AGBL1: variants seen among roughly 807,000 people sequenced by gnomAD.
The protein encoded by AGBL1 is cytosolic carboxypeptidase 4.
Under a neutral mutation model 118.9 loss-of-function variants are expected in AGBL1, and 130 were observed. The ratio of observed to expected loss-of-function variants is 1.09; its 90% CI spans 0.95 to 1.26. AGBL1 has a LOEUF of 1.26. AGBL1 is among the 50% of genes most tolerant of loss of function. The probability of loss-of-function intolerance (pLI) is 0.00; values close to 1 mark genes in which losing one functional copy is unlikely to be tolerated. For synonymous variants in AGBL1, 555 were observed against 478.9 expected (o/e 1.16, Z -2.08); for missense variants, 1,584 against 1,298.1 (o/e 1.22, Z -3.38).
At chr15:86,186,144 G>C (rs1434543529) in intron 5 of AGBL1, among the ~76,000 whole-genome samples, 2 of 151,048 alleles carry the variant, frequency 1.3e-5, no homozygotes, top group Non-Finnish European at 2.9e-5. Context: ...CACGCGTTCT[G>C]TTCTTACTTT....
chr15:86,950,552 T>A (rs1018717199), intron 23 of AGBL1, among the ~76,000 whole-genome samples: 3 of 151,014 alleles, frequency 2.0e-5, no homozygotes, highest in African/African-American at 7.3e-5. Flanking sequence ...CACACACATA[T>A]ATTTGTGTGT....
chr15:86,174,226 T>G (rs2077452580), intron 5 of AGBL1, among the ~76,000 whole-genome samples: 2 of 152,100 alleles, frequency 1.3e-5, no homozygotes, highest in Admixed American at 1.3e-4. Flanking sequence ...TAAATGGGAT[T>G]GCTTTTTTGA....
intron 17 of AGBL1, among the ~76,000 whole-genome samples, chr15:86,301,585 G>A (rs1302360999): frequency 6.6e-6 from 1 of 150,920 alleles, no homozygotes; most frequent in Non-Finnish European, 1.5e-5. Context: ...AAGATATTAG[G>A]AACACATAGA....
At chr15:86,719,193 G>C (rs1596402238) in intron 22 of AGBL1, among the ~76,000 whole-genome samples, 2 of 152,260 alleles carry the variant, frequency 1.3e-5, no homozygotes, top group East Asian at 3.9e-4. Flanking sequence ...GGGAGAAATT[G>C]GGATTCACTC....
chr15:86,120,375 A>C (rs144209535), intron 1 of AGBL1, among the ~76,000 whole-genome samples: 53 of 152,328 alleles, frequency 3.5e-4, no homozygotes, highest in African/African-American at 1.3e-3. Flanking sequence ...TGTCTCCAGG[A>C]TGCCCATTAA....
At chr15:86,155,060 C>A (rs896532666) in intron 4 of AGBL1, among the ~76,000 whole-genome samples, 2 of 152,204 alleles carry the variant, frequency 1.3e-5, no homozygotes, top group Middle Eastern at 3.2e-3. Context: ...TTATTAGGAA[C>A]ATCATTGCTC....
rs537945775 is a variant in AGBL1, at chr15:86,402,235, G to A, written c.2555+4689G>A. Among the ~76,000 whole-genome samples, 64 of 151,682 alleles carry A rather than the reference G, an allele frequency of 4.2e-4. 1 individual carries two copies. Among genetic ancestry groups the A allele is most frequent in the African/African-American group, 1.5e-3 (61 of 41,184 alleles). On this transcript the variant is annotated intron_variant, in intron 18 of 22. Transcript: ENST00000614907. Reference sequence around the variant, plus strand: ...ATTTATTTTTACAGCTGTTGCAAAAGTGACTGAGTTCTTGATTTGATTCTC... The same window carrying A: ...ATTTATTTTTACAGCTGTTGCAAAAATGACTGAGTTCTTGATTTGATTCTC...
chr15:86,616,129 G>A (rs2084717825), intron 21 of AGBL1, among the ~76,000 whole-genome samples: 1 of 151,970 alleles, frequency 6.6e-6, no homozygotes, highest in South Asian at 2.1e-4. Context: ...CTGAAGTCAG[G>A]AGTTTGAGAC....
chr15:86,522,058 C>T (rs1464868519), intron 18 of AGBL1, among the ~76,000 whole-genome samples: 1 of 152,186 alleles, frequency 6.6e-6, no homozygotes, highest in Non-Finnish European at 1.5e-5. Context: ...TCAGTTTCCT[C>T]ACTGTGAGTG....
At chr15:86,586,365 C>A (rs2084248056) in intron 21 of AGBL1, among the ~76,000 whole-genome samples, 1 of 151,934 alleles carries the variant, frequency 6.6e-6, no homozygotes, top group African/African-American at 2.4e-5. Context: ...TTAGAACTTA[C>A]TATGTGTTCT....
At chr15:86,538,052 G>A (rs2083449113) in intron 19 of AGBL1, among the ~76,000 whole-genome samples, 1 of 152,152 alleles carries the variant, frequency 6.6e-6, no homozygotes, top group African/African-American at 2.4e-5. Flanking sequence ...AGGTGAGATG[G>A]CCAAAAACGT....
intron 17 of AGBL1, among the ~76,000 whole-genome samples, chr15:86,345,291 A>G (rs559612981): frequency 1.2e-4 from 18 of 151,588 alleles, no homozygotes; most frequent in Admixed American, 5.9e-4. Flanking sequence ...TTTTCAGGAG[A>G]CTCTGCTGCT....
intron 22 of AGBL1, among the ~76,000 whole-genome samples, chr15:86,675,965 T>A (rs1053386329): frequency 6.6e-6 from 1 of 152,210 alleles, no homozygotes; most frequent in Non-Finnish European, 1.5e-5. Flanking sequence ...TTAAAGAATT[T>A]GATGTCAGGC....
intron 21 of AGBL1, among the ~76,000 whole-genome samples, chr15:86,636,019 T>G (rs903290862): frequency 6.6e-6 from 1 of 152,058 alleles, no homozygotes; most frequent in African/African-American, 2.4e-5. Flanking sequence ...ACCATATAAG[T>G]GGGTACCACT....
At chr15:86,092,399 C>T (rs902433480) in intron 1 of AGBL1, among the ~76,000 whole-genome samples, 2 of 152,060 alleles carry the variant, frequency 1.3e-5, no homozygotes, top group Non-Finnish European at 2.9e-5. Flanking sequence ...CTTCCATGAA[C>T]CTCTGCTCTT....
At chr15:86,355,086 G>A (rs2080691876) in intron 17 of AGBL1, among the ~76,000 whole-genome samples, 2 of 152,162 alleles carry the variant, frequency 1.3e-5, no homozygotes, top group African/African-American at 2.4e-5. Flanking sequence ...CTCCAAATAA[G>A]AGCCCAGGCC....
chr15:86,774,166 G>T (rs1039794514), intron 22 of AGBL1, among the ~76,000 whole-genome samples: 2 of 152,032 alleles, frequency 1.3e-5, no homozygotes, highest in African/African-American at 4.8e-5. Context: ...AGAGAAGACC[G>T]GGAACCTGAG....
intron 17 of AGBL1, among the ~76,000 whole-genome samples, chr15:86,329,061 T>G (rs2080230832): frequency 6.6e-6 from 1 of 152,126 alleles, no homozygotes; most frequent in Non-Finnish European, 1.5e-5. Flanking sequence ...ATTGCAGGCC[T>G]GGGGTGGAAG....
intron 19 of AGBL1, among the ~76,000 whole-genome samples, chr15:86,541,620 G>A (rs113778166): frequency 0.043 from 5,942 of 138,042 alleles, 429 homozygotes; most frequent in African/African-American, 0.13. Flanking sequence ...AAAAAAAAGA[G>A]AGAGAGAGAG....
Sources: allele counts gnomAD v4.1 joint callset (sites outside exome capture counted in the v4.1 genomes callset), GRCh38; gene constraint gnomAD v4.1.1; transcripts MANE v1.5; gene names NCBI Gene and HGNC (gene_info 2026-07-23, HGNC 2026-07-21).